Variants in TAF15 observed in about 807,000 individuals in gnomAD.
The protein encoded by TAF15 is TATA-box binding protein associated factor 15.
A neutral mutation model predicts 102.5 loss-of-function variants in TAF15; 37 were observed. The observed-to-expected ratio is 0.36, with a 90% CI of 0.28 to 0.47. The LOEUF (loss-of-function observed/expected upper bound fraction) is 0.47. TAF15 is among the 20% of genes least tolerant of loss of function. TAF15 has a pLI of 0.99. For missense variants in TAF15, 652 were observed against 760.7 expected, an observed-to-expected ratio of 0.86 and a Z score of 1.68; for synonymous variants, 273 against 259.2, an observed-to-expected ratio of 1.05 and a Z score of -0.51.
rs777042804 is a variant in TAF15 at position 35,847,172 on chromosome 17, A to T, written c.*227A>T. The T allele has an allele frequency of 1.3e-5, 8 of 612,858 alleles. No homozygotes were observed. Among genetic ancestry groups the T allele is most frequent in the Admixed American group, 5.9e-5 (2 of 34,168 alleles). 38.0% of individuals were successfully genotyped at this position (612,858 alleles called of 1,614,324 possible). ...CAACCCTTGGAGCTAAATGCGTTGT[A>T]AAATATTGCCAAAATGAAAAGTGTT... On this transcript the variant is annotated 3_prime_UTR_variant, in exon 16 of 16. Coordinates refer to ENST00000605844, the MANE Select transcript of TAF15 (RefSeq NM_139215.3).
At chr17:35,836,313 A>G (rs936986754) in intron 10 of TAF15, 72 bp downstream of exon 10, 1 of 1,092,290 alleles carries the variant, frequency 9.2e-7, no homozygotes, top group Non-Finnish European at 1.4e-6. Flanking sequence ...CTATGTAGTA[A>G]GCCTACATAC....
rs1373112651 is a variant in TAF15 at position 35,837,345 on chromosome 17, A to C, written c.784-1079A>C. On this transcript the variant is annotated intron_variant, in intron 10 of 15. Transcript: ENST00000605844. ...TAAAAATTTTTTTTTTTAGAGATGG[A>C]GTCTCCCTATTATTGCCCAGGCTGG... 2.6e-5 allele frequency among the ~76,000 whole-genome samples: 4 copies of C among 151,064 alleles called. No homozygotes were observed. The East Asian group carries it at 8.0e-4, about 30-fold the overall frequency.
chr17:35,840,263 T>C (rs988111333), intron 11 of TAF15, among the ~76,000 whole-genome samples: 13 of 146,790 alleles, frequency 8.9e-5, no homozygotes, highest in Non-Finnish European at 1.6e-4. Context: ...TTTTTTTTTT[T>C]TTTTTTGAGA....
At chr17:35,837,767 C>T (rs1269474922) in intron 10 of TAF15, among the ~76,000 whole-genome samples, 2 of 151,766 alleles carry the variant, frequency 1.3e-5, no homozygotes, top group Non-Finnish European at 2.9e-5. Context: ...GTGAAGGTTG[C>T]AGTGAGCCGA....
chr17:35,811,078 TG>T (rs2087119276), intron 1 of TAF15: 1 of 152,194 alleles, frequency 6.6e-6, no homozygotes, highest in African/African-American at 2.4e-5. Flanking sequence ...CATCTACCCG[TG>T]GTTTAAACAG....
chr17:35,813,845 A>G (rs1391231578), intron 1 of TAF15, among the ~76,000 whole-genome samples: 1 of 152,210 alleles, frequency 6.6e-6, no homozygotes, highest in Non-Finnish European at 1.5e-5. Context: ...ATGAAGTACC[A>G]GTAACCTACT....
chr17:35,844,014 T>G, intron 12 of TAF15, 63 bp from the exon 13 acceptor site: 1 of 1,409,470 alleles, frequency 7.1e-7, no homozygotes, highest in South Asian at 1.2e-5. Flanking sequence ...TGTTATCTGA[T>G]GCTTTTCTTC....
At position 35,809,520 on chromosome 17, in the gene TAF15, A is replaced by G. The variant is rs375339668; in HGVS notation, c.-50A>G. 27 of 1,611,778 alleles carry G rather than the reference A, an allele frequency of 1.7e-5. No individual in the cohort carries two copies. The highest frequency in any genetic ancestry group is 2.2e-5 in the Non-Finnish European group (26 of 1,179,538). ...GGCCGCCGCGCCGCCTGGCTTTCGTATTCGTTGTTCTCGGCGGGCTGTGGG... is the reference window on the plus strand; with the variant it reads ...GGCCGCCGCGCCGCCTGGCTTTCGTGTTCGTTGTTCTCGGCGGGCTGTGGG... On this transcript the variant is annotated 5_prime_UTR_variant, in exon 1 of 16. Transcript: ENST00000605844.
intron 11 of TAF15, among the ~76,000 whole-genome samples, chr17:35,840,612 TC>T (rs2087532098): frequency 6.7e-6 from 1 of 149,992 alleles, no homozygotes; most frequent in Admixed American, 6.6e-5. Flanking sequence ...ATGCCTGTAA[TC>T]CCAGCACTTT....
intron 1 of TAF15, among the ~76,000 whole-genome samples, chr17:35,816,486 TAAAAAG>T (rs2087196188): frequency 1.3e-5 from 2 of 152,190 alleles, no homozygotes; most frequent in Non-Finnish European, 2.9e-5. Context: ...GTTCATCTCT[TAAAAAG>T]AAGAAAGAAA....
intron 7 of TAF15, 23 bp downstream of exon 7, chr17:35,824,221 G>T: frequency 6.2e-7 from 1 of 1,608,276 alleles, no homozygotes; most frequent in Non-Finnish European, 8.5e-7. Context: ...ATAAAGATGC[G>T]TACATTTCTT....
intron 7 of TAF15, chr17:35,824,420 G>A (rs1490904342): frequency 1.7e-6 from 1 of 573,418 alleles, no homozygotes; most frequent in African/African-American, 1.9e-5. Context: ...AGTTTATGTG[G>A]TACATGTTAA....
chr17:35,844,346 G>A lies in TAF15; in HGVS notation c.1155G>A (p.Glu385=). 6.2e-7 allele frequency: 1 copy of A among 1,614,218 alleles called. No homozygotes were observed. Among genetic ancestry groups the A allele is most frequent in the Non-Finnish European group, 8.5e-7 (1 of 1,180,048 alleles). Residue 385 remains glutamate, a synonymous_variant, in exon 14 of 16, where the codon GAG becomes GAA. Transcript: ENST00000605844. ...ATCAGTGCAATGAGCCTAGACCAGA[G>A]GACTCTCGTCCCTCAGGAGGAGGTG... ...SCNQCNEPRP[E]DSRPSGGDFR...
chr17:35,817,906 G>C, intron 2 of TAF15, 151 bp downstream of exon 2: 2 of 720,396 alleles, frequency 2.8e-6, no homozygotes, highest in Admixed American at 2.5e-5. Flanking sequence ...GGTGCTGTAA[G>C]ACATTTATTC....
chr17:35,833,045 T>C (rs1331115458), intron 7 of TAF15, among the ~76,000 whole-genome samples: 1 of 151,898 alleles, frequency 6.6e-6, no homozygotes, highest in African/African-American at 2.4e-5. Context: ...TAATCCCAGC[T>C]ACTAGGGAGG....
At chr17:35,841,955 C>T (rs978458262) in intron 11 of TAF15, among the ~76,000 whole-genome samples, 3 of 152,044 alleles carry the variant, frequency 2.0e-5, no homozygotes, top group Non-Finnish European at 4.4e-5. Flanking sequence ...ATCTCAGCCT[C>T]CAAAAGTGCT....
chr17:35,844,954 A>C lies in TAF15; in HGVS notation c.1655A>C (p.Asp552Ala). 6.3e-7 allele frequency: 1 copy of C among 1,580,836 alleles called. No homozygotes were observed. The highest frequency in any genetic ancestry group is 1.4e-5 in the African/African-American group (1 of 69,516). Residue 552 changes from aspartate (D) to alanine (A), a missense_variant, in exon 15 of 16, where the codon GAC becomes GCC. Around this residue, in one of 3 missense-constraint regions of TAF15, gnomAD observed 368 missense variants for 367.5 expected, o/e 1.00. Coordinates refer to ENST00000605844, the MANE Select transcript of TAF15 (RefSeq NM_139215.3). ...GACCGAAGTGGAGGCTATGGAGGAG[A>C]CAGGAGTGGTGGCGGCTATGGAGGA... Reference protein sequence around the residue: ...GGDRSGGYGGDRSGGGYGGDR... With the variant: ...GGDRSGGYGGARSGGGYGGDR...
chr17:35,842,566 G>T, intron 12 of TAF15, 107 bp downstream of exon 12: 7 of 862,922 alleles, frequency 8.1e-6, no homozygotes, highest in Non-Finnish European at 9.5e-6. Context: ...TCTCTCGCTA[G>T]GTCTTTTTCC....
intron 7 of TAF15, among the ~76,000 whole-genome samples, chr17:35,826,793 C>T (rs553474433): frequency 2.0e-5 from 3 of 150,126 alleles, no homozygotes; most frequent in Non-Finnish European, 3.0e-5. Flanking sequence ...GTCTCGATCT[C>T]CTGACCTCGT....
Sources: allele counts gnomAD v4.1 joint callset (sites outside exome capture counted in the v4.1 genomes callset), GRCh38; gene constraint gnomAD v4.1.1; regional missense constraint gnomAD v4.1.1; transcripts MANE v1.5; gene names NCBI Gene and HGNC (gene_info 2026-07-23, HGNC 2026-07-21).